GFRA1: variants seen among roughly 807,000 people sequenced by gnomAD.
GFRA1 encodes the protein GDNF family receptor alpha 1.
A neutral mutation model predicts 51.6 loss-of-function variants in GFRA1; 16 were observed. The ratio of observed to expected loss-of-function variants is 0.31; its 90% CI spans 0.21 to 0.47. The LOEUF (loss-of-function observed/expected upper bound fraction) is 0.47. Ranked by LOEUF, GFRA1 falls within the 20% of genes least tolerant of loss-of-function variation. The pLI is 1.00. For synonymous variants in GFRA1, 270 were observed against 241.3 expected (o/e 1.12, Z -1.10); for missense variants, 530 against 594.3 (o/e 0.89, Z 1.13).
chr10:116,247,032 G>A (rs1175075396), intron 4 of GFRA1, among the ~76,000 whole-genome samples: 5 of 152,178 alleles, frequency 3.3e-5, no homozygotes, highest in East Asian at 1.9e-4. Context: ...CAGCTCTGCC[G>A]AGGCAAAGAT....
Position 116,181,596 on chromosome 10 carries a change from T to C in GFRA1, c.433+30035A>G, listed in dbSNP as rs535666826. On this transcript the variant is annotated intron_variant, in intron 5 of 10. Coordinates refer to ENST00000355422, the MANE Select transcript of GFRA1 (RefSeq NM_005264.8). ...CAAAAACCTTCTGAAGCAGAGGCAG[T>C]GAGCTAGCTATATACACAAAAATAT... Among the ~76,000 whole-genome samples, 46 of 152,190 alleles carry C rather than the reference T, an allele frequency of 3.0e-4. 1 individual carries two copies. The highest frequency in any genetic ancestry group is 4.2e-4 in the South Asian group (2 of 4,816).
chr10:116,258,908 G>A (rs1969097800), intron 4 of GFRA1, among the ~76,000 whole-genome samples: 1 of 152,148 alleles, frequency 6.6e-6, no homozygotes, highest in Non-Finnish European at 1.5e-5. Flanking sequence ...CGAATTGGGA[G>A]TATGTTCAGC....
intron 4 of GFRA1, among the ~76,000 whole-genome samples, chr10:116,226,059 A>C (rs1966273885): frequency 6.6e-6 from 1 of 152,190 alleles, no homozygotes; most frequent in Non-Finnish European, 1.5e-5. Flanking sequence ...GATCTTTAAA[A>C]ATAAATAAAT....
At chr10:116,184,214 C>T (rs1292541867) in intron 5 of GFRA1, among the ~76,000 whole-genome samples, 1 of 152,246 alleles carries the variant, frequency 6.6e-6, no homozygotes, top group Non-Finnish European at 1.5e-5. Flanking sequence ...GACCCTCTAG[C>T]AACTGGCTTA....
intron 6 of GFRA1, among the ~76,000 whole-genome samples, chr10:116,110,905 T>C (rs772104599): frequency 2.6e-4 from 40 of 152,290 alleles, no homozygotes; most frequent in Middle Eastern, 3.4e-3. Flanking sequence ...ATGTACCATG[T>C]ACTTGTACAG....
chr10:116,134,473 C>T (rs1958235993), intron 5 of GFRA1, among the ~76,000 whole-genome samples: 1 of 152,188 alleles, frequency 6.6e-6, no homozygotes, highest in South Asian at 2.1e-4. Context: ...TTTGATCATA[C>T]AGGTTGTGAC....
At position 116,084,942 on chromosome 10, in the gene GFRA1, G is replaced by A. The variant is rs968491745; in HGVS notation, c.1197+4799C>T. On this transcript the variant is annotated intron_variant, in intron 9 of 10. Coordinates refer to ENST00000355422, the MANE Select transcript of GFRA1 (RefSeq NM_005264.8). ...TATGACCATTTCATATAAGTAAGTCGAAGGAATAGGCCAACAATAGCACAG... is the reference window on the plus strand; with the variant it reads ...TATGACCATTTCATATAAGTAAGTCAAAGGAATAGGCCAACAATAGCACAG... Among the ~76,000 whole-genome samples, 4 of 151,978 alleles carry A rather than the reference G, an allele frequency of 2.6e-5. No homozygotes were observed. The East Asian group carries it at 5.8e-4, about 22-fold the overall frequency.
At chr10:116,267,725 C>T (rs1969774736) in intron 4 of GFRA1, among the ~76,000 whole-genome samples, 1 of 152,128 alleles carries the variant, frequency 6.6e-6, no homozygotes, top group Non-Finnish European at 1.5e-5. Flanking sequence ...CCAGTTTCTA[C>T]AGATCCGCTC....
intron 5 of GFRA1, among the ~76,000 whole-genome samples, chr10:116,198,354 A>G (rs1041134835): frequency 1.3e-5 from 2 of 152,210 alleles, no homozygotes; most frequent in Non-Finnish European, 2.9e-5. Context: ...GCAATCCTTC[A>G]GAGATTCACT....
chr10:116,125,484 C>T lies in GFRA1; in HGVS notation c.507G>A (p.Lys169=). The T allele has an allele frequency of 1.2e-6, 2 of 1,614,212 alleles. No individual in the cohort carries two copies. Among genetic ancestry groups the T allele is most frequent in the Non-Finnish European group, 1.7e-6 (2 of 1,180,044 alleles). ...KACNLDDICK[K]YRSAYITPCT... ...ACGGGGTGATGTACGCCGACCTGTA[C>T]TTCTTGCAAATGTCGTCGAGGTTGC... The change falls in exon 6 of 11, where the codon AAG becomes AAA. Residue 169 remains lysine, a synonymous_variant. Coordinates refer to ENST00000355422, the MANE Select transcript of GFRA1 (RefSeq NM_005264.8).
In GFRA1 at chr10:116,059,114, A is replaced by G. The variant is rs1954683721; in HGVS notation, c.*5284T>C. 1.3e-5 allele frequency: 2 copies of G among 152,234 alleles called. No homozygotes were observed. Among genetic ancestry groups the G allele is most frequent in the Non-Finnish European group, 1.5e-5 (1 of 68,062 alleles). 9.4% of individuals were successfully genotyped at this position (152,234 alleles called of 1,614,324 possible). On this transcript the variant is annotated 3_prime_UTR_variant, in exon 11 of 11. Coordinates refer to ENST00000355422, the MANE Select transcript of GFRA1 (RefSeq NM_005264.8). ...CCTCAGGAGGACACATTCAGGGTCA[A>G]TACAGCTCAATGCCAGGAATACGAT...
chr10:116,160,578 A>G (rs1219269373), intron 5 of GFRA1, among the ~76,000 whole-genome samples: 4 of 152,230 alleles, frequency 2.6e-5, no homozygotes, highest in East Asian at 1.9e-4. Context: ...CTGGGATGAA[A>G]CCATAATCCA....
chr10:116,166,868 C>G (rs370595847), intron 5 of GFRA1, among the ~76,000 whole-genome samples: 1 of 140,722 alleles, frequency 7.1e-6, no homozygotes, highest in African/African-American at 2.7e-5. Context: ...GGTGCGATCT[C>G]GGCACACTGC....
chr10:116,150,390 T>G (rs1341847277), intron 5 of GFRA1, among the ~76,000 whole-genome samples: 1 of 152,198 alleles, frequency 6.6e-6, no homozygotes, highest in African/African-American at 2.4e-5. Flanking sequence ...TGGTCAGCCT[T>G]TCCTGCTGCA....
At chr10:116,255,779 T>TCCCCAGCAGCTAGC in intron 4 of GFRA1, 1 of 1,279,730 alleles carries the variant, frequency 7.8e-7, no homozygotes, top group South Asian at 1.2e-5. Flanking sequence ...CACCACCATC[T>TCCCCAGCAGCTAGC]CCCCAGCAGC....
At chr10:116,130,314 AG>A (rs1958054880) in intron 5 of GFRA1, among the ~76,000 whole-genome samples, 1 of 152,160 alleles carries the variant, frequency 6.6e-6, no homozygotes, top group African/African-American at 2.4e-5. Flanking sequence ...ATTACAACAA[AG>A]AAGGTATATA....
At chr10:116,249,978 G>A (rs1240989031) in intron 4 of GFRA1, among the ~76,000 whole-genome samples, 1 of 152,148 alleles carries the variant, frequency 6.6e-6, no homozygotes, top group African/African-American at 2.4e-5. Flanking sequence ...CCTTTTTATG[G>A]AAGACCTCTG....
chr10:116,170,539 T>C (rs1960921922), intron 5 of GFRA1, among the ~76,000 whole-genome samples: 1 of 152,186 alleles, frequency 6.6e-6, no homozygotes, highest in Non-Finnish European at 1.5e-5. Flanking sequence ...AGCAGAAGTC[T>C]CTTTGGACTC....
intron 4 of GFRA1, among the ~76,000 whole-genome samples, chr10:116,221,298 C>T (rs1965905322): frequency 6.6e-6 from 1 of 152,128 alleles, no homozygotes; most frequent in Admixed American, 6.5e-5. Context: ...AGAATCCAAA[C>T]TCTTAACCAC....
Sources: allele counts gnomAD v4.1 joint callset (sites outside exome capture counted in the v4.1 genomes callset), GRCh38; gene constraint gnomAD v4.1.1; transcripts MANE v1.5; gene names NCBI Gene and HGNC (gene_info 2026-07-23, HGNC 2026-07-21).